Variants in IHO1 observed in about 807,000 individuals in gnomAD.
IHO1 encodes interactor of HORMAD1 1, also known as interactor of HORMAD1 protein 1.
IHO1 carries 13 observed loss-of-function variants against 31.0 expected under a neutral mutation model. The observed-to-expected ratio is 0.42, with a 90% confidence interval of 0.27 to 0.67. The LOEUF (loss-of-function observed/expected upper bound fraction) is 0.67, where lower values mean the gene tolerates loss of function less well. Among genes scored for constraint, IHO1 ranks in the 30% least tolerant of loss-of-function variants. The pLI, the probability that IHO1 is intolerant of heterozygous loss-of-function variation, is 0.24. For synonymous variants in IHO1, 221 were observed against 248.4 expected (o/e 0.89, Z 1.04); for missense variants, 599 against 687.5 (o/e 0.87, Z 1.44).
At chr3:49,219,297 A>G (rs923213608) in intron 2 of IHO1, among the ~76,000 whole-genome samples, 3 of 152,224 alleles carry the variant, frequency 2.0e-5, no homozygotes, top group Non-Finnish European at 4.4e-5. Flanking sequence ...TCACCCACCC[A>G]GGGCAGAAAA....
At chr3:49,229,284 C>T (rs371588207) in intron 2 of IHO1, among the ~76,000 whole-genome samples, 83 of 152,318 alleles carry the variant, frequency 5.4e-4, no homozygotes, top group African/African-American at 1.8e-3. Context: ...AGCTGTGAGC[C>T]TTCTGCCTGG....
the IHO1 span, among the ~76,000 whole-genome samples, chr3:49,193,361 G>T: frequency 6.6e-6 from 1 of 151,470 alleles, no homozygotes; most frequent in Non-Finnish European, 1.5e-5. Flanking sequence ...GACAGAATGA[G>T]ACCCCCATCT....
chr3:49,242,673 C>T (rs533811769), intron 4 of IHO1, among the ~76,000 whole-genome samples: 177 of 152,142 alleles, frequency 1.2e-3, no homozygotes, highest in Non-Finnish European at 1.7e-3. Context: ...GGCACGGTGG[C>T]GGGTGCCTGT....
intron 2 of IHO1, among the ~76,000 whole-genome samples, chr3:49,218,201 A>C (rs1217056420): frequency 6.6e-6 from 1 of 151,606 alleles, no homozygotes; most frequent in Non-Finnish European, 1.5e-5. Context: ...CTCTGGGCAC[A>C]AGCAAGCTGA....
chr3:49,254,791 TG>T (rs1481104687), intron 6 of IHO1, among the ~76,000 whole-genome samples: 1 of 152,068 alleles, frequency 6.6e-6, no homozygotes, highest in Non-Finnish European at 1.5e-5. Context: ...GGGCTGGGCA[TG>T]GTGGCTCACG....
chr3:49,232,559 A>G (rs1353104140), intron 2 of IHO1, among the ~76,000 whole-genome samples: 1 of 152,238 alleles, frequency 6.6e-6, no homozygotes, highest in Non-Finnish European at 1.5e-5. Context: ...TTAAAGCCTT[A>G]ACTATGAGCC....
chr3:49,250,224 G>A (rs2046743385), intron 6 of IHO1, among the ~76,000 whole-genome samples: 1 of 152,074 alleles, frequency 6.6e-6, no homozygotes, highest in Admixed American at 6.5e-5. Flanking sequence ...GAGAGACCAA[G>A]GTTTGCAGAG....
intron 2 of IHO1, among the ~76,000 whole-genome samples, chr3:49,220,083 C>G (rs1216228868): frequency 6.6e-6 from 1 of 152,178 alleles, no homozygotes; most frequent in Non-Finnish European, 1.5e-5. Context: ...AGCAACTGCT[C>G]TCAGTTCTAT....
intron 3 of IHO1, among the ~76,000 whole-genome samples, chr3:49,239,720 T>G (rs554223437): frequency 4.9e-4 from 73 of 150,018 alleles, no homozygotes; most frequent in South Asian, 1.3e-3. Context: ...TGGAGTGCAA[T>G]GGTACGATCT....
intron 2 of IHO1, among the ~76,000 whole-genome samples, chr3:49,214,607 C>CATATATATATATATATATACATAT (rs1575568932): frequency 3.2e-4 from 8 of 24,776 alleles, no homozygotes; most frequent in Non-Finnish European, 5.3e-4. Context: ...ATTTCTAGAT[C>CATATATATATATATATATACATAT]ATATATATAT....
intron 6 of IHO1, among the ~76,000 whole-genome samples, chr3:49,247,799 A>G (rs971084102): frequency 6.7e-6 from 1 of 149,890 alleles, no homozygotes; most frequent in African/African-American, 2.5e-5. Flanking sequence ...TAAACACTAA[A>G]ACTAAAACTA....
In IHO1 at chr3:49,222,344, C is replaced by G. The variant is rs138554265; in HGVS notation, c.56+10508C>G. On this transcript the variant is annotated intron_variant, in intron 2 of 7. Transcript: ENST00000452691. Reference sequence around the variant, plus strand: ...AGAGTCTTGTACAGGTAATTAGGAGCTAGGGGAAGGGGAGGGGCAATTGTA... The same window carrying G: ...AGAGTCTTGTACAGGTAATTAGGAGGTAGGGGAAGGGGAGGGGCAATTGTA... 5.5e-4 allele frequency among the ~76,000 whole-genome samples: 83 copies of G among 151,970 alleles called. No individual in the cohort carries two copies. The East Asian group carries it at 0.014, about 25-fold the overall frequency.
In IHO1 at chr3:49,257,126, C is replaced by A. The variant is rs1311633376; in HGVS notation, c.1629C>A (p.Asp543Glu). ...LLQLSRCSSQ[D>E]NWLLSSSSQG... ...AGCTCAGCAGGTGCTCTTCCCAAGA[C>A]AACTGGCTACTTTCCAGCAGTTCCC... The change falls in exon 8 of 8, where the codon GAC (aspartate) becomes GAA (glutamate). Residue 543 changes from aspartate (D) to glutamate (E), a missense_variant. Transcript: ENST00000452691. The A allele has an allele frequency of 1.2e-6, 2 of 1,614,168 alleles. No individual in the cohort carries two copies. Among genetic ancestry groups the A allele is most frequent in the South Asian group, 2.2e-5 (2 of 91,080 alleles).
rs151092450 is a variant in IHO1 at position 49,256,299 on chromosome 3, G to A, written c.802G>A (p.Asp268Asn). ...KRLISVPPVK[D>N]SASQTSPPLA... ...ATTGATCTCAGTGCCTCCAGTGAAA[G>A]ACAGTGCTTCTCAGACGTCGCCACC... Residue 268 changes from aspartate to asparagine, a missense_variant, in exon 8 of 8, where the codon GAC (aspartate) becomes AAC (asparagine). Physicochemically the swap from Asp to Asn is conservative, Grantham distance 23. Coordinates refer to ENST00000452691, the MANE Select transcript of IHO1 (RefSeq NM_001135197.2). This position sits in a 1 kb window ranked among gnomAD's most constrained non-coding sequence, Gnocchi z 4.6. The A allele has an allele frequency of 7.9e-5, 127 of 1,614,180 alleles. 1 individual carries two copies. The Admixed American group carries it at 2.1e-3, about 26-fold the overall frequency.
chr3:49,224,667 C>T (rs1010146066), intron 2 of IHO1, among the ~76,000 whole-genome samples: 3 of 152,228 alleles, frequency 2.0e-5, no homozygotes, highest in Non-Finnish European at 4.4e-5. Context: ...TATGGCATAA[C>T]CTGCCCTTCG....
At chr3:49,191,618 C>A in the IHO1 span, 1 of 1,006,632 alleles carries the variant, frequency 9.9e-7, no homozygotes, top group South Asian at 1.3e-5. Flanking sequence ...AGGAAGTGGG[C>A]GGCTCAGGGT....
At chr3:49,208,378 T>C (rs1247852626) in intron 1 of IHO1, among the ~76,000 whole-genome samples, 1 of 152,220 alleles carries the variant, frequency 6.6e-6, no homozygotes, top group Non-Finnish European at 1.5e-5. Context: ...TAGATTCTCA[T>C]AGGAGTGTGC....
chr3:49,249,651 C>G (rs970081644), intron 6 of IHO1, among the ~76,000 whole-genome samples: 1 of 152,178 alleles, frequency 6.6e-6, no homozygotes, highest in African/African-American at 2.4e-5. Context: ...TGAGATCCAT[C>G]TATATGAATA....
chr3:49,256,339 T>C lies in IHO1; in HGVS notation c.842T>C (p.Leu281Pro). The C allele has an allele frequency of 1.9e-6, 3 of 1,614,138 alleles. No individual in the cohort carries two copies. The highest frequency in any genetic ancestry group is 2.5e-6 in the Non-Finnish European group (3 of 1,180,034). ...ACGTCGCCACCTTTGGCCCAGAGCC[T>C]CAATCTCACCAGGCAGGAAAAATAC... Reference protein sequence around the residue: ...SQTSPPLAQSLNLTRQEKYTS... With the variant: ...SQTSPPLAQSPNLTRQEKYTS... Residue 281 changes from leucine to proline, a missense_variant, in exon 8 of 8, where the codon CTC becomes CCC. By Grantham distance (98) the Leu-to-Pro change is moderately conservative. Coordinates refer to ENST00000452691, the MANE Select transcript of IHO1 (RefSeq NM_001135197.2). The surrounding 1 kb of genome is among the most constrained non-coding windows in gnomAD (Gnocchi z 4.6).
Sources: gnomAD v4.1 joint callset for allele counts (sites outside exome capture counted in the v4.1 genomes callset) on GRCh38, gnomAD v4.1.1 for gene constraint, Gnocchi (gnomAD v3.1) non-coding constraint, MANE v1.5 for transcripts, NCBI Gene and HGNC (gene_info 2026-07-23, HGNC 2026-07-21) for gene names.